The following ZMAT4 variants were observed in gnomAD, a reference collection of about 807,000 sequenced individuals.
ZMAT4 encodes the protein zinc finger matrin-type protein 4.
In ZMAT4, 17 loss-of-function variants were observed where a neutral mutation model predicts 28.7. The ratio of observed to expected loss-of-function variants is 0.59; its 90% CI spans 0.41 to 0.89. ZMAT4 has a LOEUF of 0.89. ZMAT4 is among the 40% of genes least tolerant of loss of function. ZMAT4 has a pLI of 0.00. For missense variants in ZMAT4, 240 were observed against 283.8 expected (o/e 0.85, Z 1.11); for synonymous variants, 117 against 109.2 (o/e 1.07, Z -0.44).
intron 3 of ZMAT4, among the ~76,000 whole-genome samples, chr8:40,707,098 G>A (rs367761247): frequency 7.2e-5 from 11 of 151,972 alleles, no homozygotes; most frequent in Admixed American, 2.6e-4. Flanking sequence ...GAAATGCCCC[G>A]TCTCTCTATA....
At chr8:40,580,617 G>A (rs901110619) in intron 6 of ZMAT4, among the ~76,000 whole-genome samples, 2 of 151,968 alleles carry the variant, frequency 1.3e-5, no homozygotes, top group African/African-American at 4.8e-5. Context: ...AATGGTGCCT[G>A]GTGAGACTTT....
At chr8:40,555,405 T>C (rs1330745303) in intron 6 of ZMAT4, among the ~76,000 whole-genome samples, 1 of 152,176 alleles carries the variant, frequency 6.6e-6, no homozygotes, top group Admixed American at 6.5e-5. Context: ...CCATCTCAGA[T>C]ATACTCCACA....
At chr8:40,791,974 T>G (rs144278870) in intron 2 of ZMAT4, among the ~76,000 whole-genome samples, 166 of 152,326 alleles carry the variant, frequency 1.1e-3, no homozygotes, top group Non-Finnish European at 2.0e-3. Flanking sequence ...TCCACCAGTG[T>G]TGCTATCCAC....
chr8:40,562,877 A>C (rs1433656149), intron 6 of ZMAT4, among the ~76,000 whole-genome samples: 1 of 152,164 alleles, frequency 6.6e-6, no homozygotes, highest in African/African-American at 2.4e-5. Flanking sequence ...AAAATATATC[A>C]TTATGAGAAA....
intron 6 of ZMAT4, among the ~76,000 whole-genome samples, chr8:40,575,784 G>A (rs1341631228): frequency 1.3e-5 from 2 of 151,808 alleles, no homozygotes; most frequent in East Asian, 3.9e-4. Flanking sequence ...ACCTCCAAAG[G>A]ATCATAATTC....
At chr8:40,687,375 G>A (rs1191954408) in intron 4 of ZMAT4, among the ~76,000 whole-genome samples, 3 of 152,112 alleles carry the variant, frequency 2.0e-5, no homozygotes, top group Non-Finnish European at 2.9e-5. Flanking sequence ...CGGGGAGGGC[G>A]GTTCTGGGAG....
At chr8:40,710,415 A>C (rs1810557437) in intron 3 of ZMAT4, among the ~76,000 whole-genome samples, 1 of 152,206 alleles carries the variant, frequency 6.6e-6, no homozygotes, top group Non-Finnish European at 1.5e-5. Flanking sequence ...CATACAGGCG[A>C]GTATCAAACC....
intron 2 of ZMAT4, among the ~76,000 whole-genome samples, chr8:40,768,848 T>C (rs1431656088): frequency 1.3e-5 from 2 of 152,204 alleles, no homozygotes; most frequent in Non-Finnish European, 2.9e-5. Context: ...TATTTCCTGC[T>C]TTTCCAGGCT....
At chr8:40,593,678 CA>C (rs1804969005) in intron 5 of ZMAT4, among the ~76,000 whole-genome samples, 1 of 152,208 alleles carries the variant, frequency 6.6e-6, no homozygotes, top group Non-Finnish European at 1.5e-5. Context: ...GGTGATTTTC[CA>C]GACTCAACTA....
At chr8:40,553,864 G>A (rs1235397746) in intron 6 of ZMAT4, among the ~76,000 whole-genome samples, 1 of 152,288 alleles carries the variant, frequency 6.6e-6, no homozygotes, top group Admixed American at 6.5e-5. Context: ...TATTCATTCT[G>A]TGCCAAGGAG....
intron 4 of ZMAT4, among the ~76,000 whole-genome samples, chr8:40,678,782 A>C (rs527917923): frequency 1.3e-5 from 2 of 152,262 alleles, no homozygotes; most frequent in South Asian, 4.1e-4. Context: ...AAACCCCCGA[A>C]ACTCAAGTTT....
intron 5 of ZMAT4, among the ~76,000 whole-genome samples, chr8:40,602,593 T>C (rs886392908): frequency 5.3e-5 from 8 of 152,210 alleles, no homozygotes; most frequent in African/African-American, 1.7e-4. Context: ...TATTGCTTTG[T>C]AGTTTTGATT....
At chr8:40,786,630 C>A in intron 2 of ZMAT4, 1 of 1,181,326 alleles carries the variant, frequency 8.5e-7, no homozygotes, top group Non-Finnish European at 1.1e-6. Context: ...TCAGCATCTC[C>A]TTCTGTGAAC....
chr8:40,824,889 A>G (rs1815977284), intron 2 of ZMAT4, among the ~76,000 whole-genome samples: 1 of 152,180 alleles, frequency 6.6e-6, no homozygotes, highest in South Asian at 2.1e-4. Context: ...AATCCACAGC[A>G]CCTCATTTCT....
chr8:40,661,452 G>A (rs1585838510), intron 5 of ZMAT4, among the ~76,000 whole-genome samples: 1 of 152,146 alleles, frequency 6.6e-6, no homozygotes, highest in African/African-American at 2.4e-5. Flanking sequence ...ACGTCAATAG[G>A]TATGTTCTAC....
intron 3 of ZMAT4, among the ~76,000 whole-genome samples, chr8:40,727,088 A>G (rs1269853949): frequency 6.6e-6 from 1 of 152,232 alleles, no homozygotes; most frequent in Non-Finnish European, 1.5e-5. Flanking sequence ...TTCTCATACA[A>G]CAAAGGGAGA....
chr8:40,823,395 G>A (rs1815901314), intron 2 of ZMAT4, among the ~76,000 whole-genome samples: 2 of 152,158 alleles, frequency 1.3e-5, no homozygotes, highest in Admixed American at 6.5e-5. Flanking sequence ...ACGGTGGCTC[G>A]CACCTATAAC....
chr8:40,852,300 C>T lies in ZMAT4; in HGVS notation c.-4-26620G>A, dbSNP rs561320591. Among the ~76,000 whole-genome samples the T allele has an allele frequency of 5.2e-4, 79 of 152,220 alleles. 1 individual carries two copies. Among genetic ancestry groups the T allele is most frequent in the African/African-American group, 1.8e-3 (76 of 41,528 alleles). ...TTTTGTTGAGCTTCCTGCAACTTTA[C>T]TTTAAATATAAAATTATTTTAAAAT... is the stretch of plus-strand genomic sequence containing the variant. On this transcript the variant is annotated intron_variant, in intron 1 of 6. Transcript: ENST00000297737.
At chr8:40,750,207 A>T (rs181468491) in intron 3 of ZMAT4, among the ~76,000 whole-genome samples, 32 of 151,808 alleles carry the variant, frequency 2.1e-4, no homozygotes, top group East Asian at 5.8e-4. Context: ...AAAAAGAAAA[A>T]ATATATATAT....
Sources: allele counts gnomAD v4.1 joint callset (sites outside exome capture counted in the v4.1 genomes callset), GRCh38; gene constraint gnomAD v4.1.1; transcripts MANE v1.5; gene names NCBI Gene and HGNC (gene_info 2026-07-23, HGNC 2026-07-21).